Variants in VSIG1 observed in about 807,000 individuals in gnomAD.
VSIG1 encodes V-set and immunoglobulin domain containing 1, also known as V-set and immunoglobulin domain-containing protein 1.
In VSIG1, 11 loss-of-function variants were observed where a neutral mutation model predicts 20.1. The ratio of observed to expected loss-of-function variants is 0.55; its 90% CI spans 0.34 to 0.91. The LOEUF (loss-of-function observed/expected upper bound fraction) is 0.91, where lower values mean the gene tolerates loss of function less well. Among genes scored for constraint, VSIG1 ranks in the 40% least tolerant of loss-of-function variants. VSIG1 has a pLI of 0.02. For synonymous variants in VSIG1, 126 were observed against 116.7 expected (o/e 1.08, Z -0.52); for missense variants, 283 against 298.8 (o/e 0.95, Z 0.39).
At chrX:108,061,540 G>C in intron 2 of VSIG1, 5 of 1,154,249 alleles carry the variant, frequency 4.3e-6, no homozygotes, top group Non-Finnish European at 5.8e-6. Context: ...TCTGAGGTAA[G>C]AACACTTATT....
chrX:108,065,141 C>A (rs1263883922), intron 2 of VSIG1, among the ~76,000 whole-genome samples: 1 of 112,187 alleles, frequency 8.9e-6, no homozygotes, highest in Non-Finnish European at 1.9e-5. Context: ...ATTTTTCCCT[C>A]AAAATCCAGC....
At chrX:108,035,014 A>G in the VSIG1 span, among the ~76,000 whole-genome samples, 1 of 112,525 alleles carries the variant, frequency 8.9e-6, no homozygotes, top group Non-Finnish European at 1.9e-5. Context: ...TTTAAACCCA[A>G]TAAAACAGAA....
chrX:108,041,207 C>G (rs2030474290), upstream of VSIG1, among the ~76,000 whole-genome samples: 1 of 108,671 alleles, frequency 9.2e-6, no homozygotes, highest in South Asian at 4.2e-4. Context: ...GCTATGGTGA[C>G]CTTGGGAAAA....
rs144596356 is a variant in VSIG1 at position 108,059,925 on chromosome X, G to A, written c.213+1724G>A. Among the ~76,000 whole-genome samples, 447 of 111,769 alleles carry A rather than the reference G, an allele frequency of 4.0e-3. 1 individual carries two copies. The highest frequency in any genetic ancestry group is 0.014 in the African/African-American group (423 of 30,829). On this transcript the variant is annotated intron_variant, in intron 2 of 6. Transcript: ENST00000217957. ...ATGTTCTCAACTGCCTGAAGGATGG[G>A]CAAGGCCACAAATTTTTATTTATGC...
At chrX:108,057,905 G>A (rs996022846) in intron 1 of VSIG1, 133 bp from the exon 2 acceptor site, 81 of 601,006 alleles carry the variant, frequency 1.3e-4, no homozygotes, top group Non-Finnish European at 1.9e-4. Flanking sequence ...CAACTTTCTT[G>A]TATGGTTTAT....
intron 3 of VSIG1, among the ~76,000 whole-genome samples, chrX:108,068,855 G>C (rs1461581926): frequency 8.9e-6 from 1 of 112,066 alleles, no homozygotes; most frequent in African/African-American, 3.2e-5. Context: ...ATCTTACTCT[G>C]TACTCAGTGA....
At chrX:108,019,085 A>G in the VSIG1 span, among the ~76,000 whole-genome samples, 1 of 112,134 alleles carries the variant, frequency 8.9e-6, no homozygotes, top group South Asian at 3.7e-4. Context: ...TGAGCATAGC[A>G]GGGGCAATGT....
At chrX:108,059,331 C>T (rs1422972963) in intron 2 of VSIG1, among the ~76,000 whole-genome samples, 1 of 111,273 alleles carries the variant, frequency 9.0e-6, no homozygotes, top group Admixed American at 9.6e-5. Context: ...GTGCTGAGTC[C>T]TCTGTTTACA....
At chrX:108,054,922 A>G (rs1330785665) in intron 1 of VSIG1, among the ~76,000 whole-genome samples, 1 of 107,767 alleles carries the variant, frequency 9.3e-6, no homozygotes, top group Non-Finnish European at 1.9e-5. Flanking sequence ...AAGAAGACCA[A>G]AATAAACCCA....
intron 3 of VSIG1, among the ~76,000 whole-genome samples, chrX:108,069,502 C>T (rs1220782249): frequency 8.9e-6 from 1 of 111,761 alleles, no homozygotes; most frequent in Admixed American, 9.5e-5. Context: ...GACAATTTTG[C>T]TTGCCCTGAC....
chrX:108,077,633 A>G lies in VSIG1; in HGVS notation c.*252A>G. 1 of 349,069 alleles carries G rather than the reference A, an allele frequency of 2.9e-6. No individual in the cohort carries two copies. The highest frequency in any genetic ancestry group is 4.9e-6 in the Non-Finnish European group (1 of 203,435). The allele number at this position is 349,069 out of a possible 1,213,427, so 28.8% of individuals were successfully genotyped here. On this transcript the variant is annotated 3_prime_UTR_variant, in exon 7 of 7. Transcript: ENST00000217957. ...AGCATAACAAATGACAGGGCAAGTGATTTCTAACTTAGTTGAGTTTTGCAA... is the reference window on the plus strand; with the variant it reads ...AGCATAACAAATGACAGGGCAAGTGGTTTCTAACTTAGTTGAGTTTTGCAA...
upstream of VSIG1, among the ~76,000 whole-genome samples, chrX:108,042,940 T>G (rs2030502158): frequency 2.7e-5 from 3 of 111,184 alleles, no homozygotes; most frequent in African/African-American, 9.8e-5. Flanking sequence ...ATGGAGCTGC[T>G]GTCTGCTTAT....
At chrX:108,037,168 A>G in the VSIG1 span, among the ~76,000 whole-genome samples, 1 of 112,294 alleles carries the variant, frequency 8.9e-6, no homozygotes, top group Admixed American at 9.4e-5. Flanking sequence ...TAAATGAATT[A>G]AAATCTTTAG....
At chrX:108,032,821 A>T in the VSIG1 span, among the ~76,000 whole-genome samples, 1 of 111,834 alleles carries the variant, frequency 8.9e-6, no homozygotes, top group Non-Finnish European at 1.9e-5. Flanking sequence ...TCTAGACCAT[A>T]TGCCATCAAC....
At chrX:108,053,663 C>T (rs1379404217) in intron 1 of VSIG1, among the ~76,000 whole-genome samples, 2 of 111,119 alleles carry the variant, frequency 1.8e-5, no homozygotes, top group Non-Finnish European at 3.8e-5. Context: ...ATATTGAATG[C>T]GAATACCACT....
At chrX:108,029,662 G>A in the VSIG1 span, among the ~76,000 whole-genome samples, 1 of 111,967 alleles carries the variant, frequency 8.9e-6, no homozygotes, top group Admixed American at 9.5e-5. Flanking sequence ...TCACACCCTT[G>A]CTGACAGGTT....
the VSIG1 span, among the ~76,000 whole-genome samples, chrX:108,025,104 T>C: frequency 4.2e-4 from 47 of 111,771 alleles, 1 homozygote; most frequent in Non-Finnish European, 1.1e-4. Context: ...ATTCTATCAA[T>C]TTTTGCTTCA....
intron 6 of VSIG1, 32 bp from the exon 7 acceptor site, chrX:108,077,016 A>C: frequency 8.5e-7 from 1 of 1,173,446 alleles, no homozygotes; most frequent in Non-Finnish European, 1.1e-6. Flanking sequence ...CATCTCCCTA[A>C]CTTGTTCTTT....
At chrX:108,032,933 G>A in the VSIG1 span, among the ~76,000 whole-genome samples, 1 of 110,588 alleles carries the variant, frequency 9.0e-6, no homozygotes, top group Non-Finnish European at 1.9e-5. Flanking sequence ...GCTATATGTA[G>A]GACAAAACAG....
Sources: gnomAD v4.1 joint callset for allele counts (sites outside exome capture counted in the v4.1 genomes callset) on GRCh38, gnomAD v4.1.1 for gene constraint, MANE v1.5 for transcripts, NCBI Gene and HGNC (gene_info 2026-07-23, HGNC 2026-07-21) for gene names.